The following EXD3 variants were observed in gnomAD, a reference collection of about 807,000 sequenced individuals.
The protein encoded by EXD3 is exonuclease mut-7 homolog.
EXD3 carries 92 observed loss-of-function variants against 98.0 expected under a neutral mutation model. The ratio of observed to expected loss-of-function variants is 0.94; its 90% CI spans 0.79 to 1.12. The LOEUF (loss-of-function observed/expected upper bound fraction) is 1.12. Among genes scored for constraint, EXD3 ranks in the 50% most tolerant of loss-of-function variants. The probability of loss-of-function intolerance (pLI) is 0.00; values close to 1 mark genes in which losing one functional copy is unlikely to be tolerated. For synonymous variants in EXD3, 569 were observed against 526.0 expected, an observed-to-expected ratio of 1.08 and a Z score of -1.12; for missense variants, 1,222 against 1,191.6, an observed-to-expected ratio of 1.03 and a Z score of -0.38.
Position 137,328,566 on chromosome 9 carries a change from A to T in EXD3, c.1999-4423T>A, listed in dbSNP as rs758255891. Among the ~76,000 whole-genome samples, 10 of 150,094 alleles carry T rather than the reference A, an allele frequency of 6.7e-5. 1 individual carries two copies. Among genetic ancestry groups the T allele is most frequent in the Admixed American group, 1.3e-4 (2 of 15,110 alleles). On this transcript the variant is annotated intron_variant, in intron 17 of 21. Transcript: ENST00000340951. ...GAAACGGGTCAAAGGGAAGAAACAG[A>T]CTAGTTACACAGGAGCTACACGGGA...
At position 137,355,428 on chromosome 9, in the gene EXD3, AGGAGGATGGAGGAAG is replaced by A. The variant is rs796944784; in HGVS notation, c.758-670_758-656del. On this transcript the variant is annotated intron_variant, in intron 8 of 21. Transcript: ENST00000340951. ...GCCCTGAGGCAGGGAGGAAGGAGGA[AGGAGGATGGAGGAAG>A]GGAGGATGGAGGAAGGAGAAAGGAG... 7.9e-4 allele frequency among the ~76,000 whole-genome samples: 95 copies of A among 119,648 alleles called. 1 individual carries two copies. The highest frequency in any genetic ancestry group is 3.3e-3 in the African/African-American group (83 of 25,534). 78.5% of individuals were successfully genotyped at this position (119,648 alleles called of 152,430 possible).
At chr9:137,422,610 C>T (rs896249193) in intron 1 of EXD3, among the ~76,000 whole-genome samples, 10 of 152,218 alleles carry the variant, frequency 6.6e-5, no homozygotes. Context: ...TGAATAAACC[C>T]ACCGGGCACC....
rs1177400128 is a variant in EXD3, at chr9:137,408,462, G to A, written c.-47-13058C>T. The stretch of plus-strand genomic sequence containing the variant: ...CTCCGGAGGCTGAGGCAGGTGAATG[G>A]CGTGAACCCGGGAGGTGGAGCTTGC... On this transcript the variant is annotated intron_variant, in intron 1 of 21. Transcript: ENST00000340951. Among the ~76,000 whole-genome samples, 6 of 149,818 alleles carry A rather than the reference G, an allele frequency of 4.0e-5. No individual in the cohort carries two copies. The East Asian group carries it at 1.2e-3, about 30-fold the overall frequency.
At chr9:137,374,489 A>G (rs1835798379) in intron 3 of EXD3, 1 of 906,452 alleles carries the variant, frequency 1.1e-6, no homozygotes, top group African/African-American at 1.8e-5. Flanking sequence ...CAACATCCTG[A>G]GGCTGCCGCG....
At chr9:137,328,618 GGGACTACAC>G (rs1832654801) in intron 17 of EXD3, among the ~76,000 whole-genome samples, 1 of 80,544 alleles carries the variant, frequency 1.2e-5, no homozygotes, top group South Asian at 4.6e-4. Context: ...GGGGCTACAC[GGGACTACAC>G]GGGACTACAC....
intron 19 of EXD3, among the ~76,000 whole-genome samples, chr9:137,312,667 G>A (rs545631176): frequency 6.6e-6 from 1 of 152,072 alleles, no homozygotes; most frequent in East Asian, 1.9e-4. Context: ...CTGGGGAGGC[G>A]CACTCAGGAC....
intron 17 of EXD3, among the ~76,000 whole-genome samples, chr9:137,337,284 A>G (rs1833403204): frequency 6.6e-6 from 1 of 152,202 alleles, no homozygotes; most frequent in Non-Finnish European, 1.5e-5. Context: ...TGCATGGAAA[A>G]TCTGATGAAT....
intron 20 of EXD3, among the ~76,000 whole-genome samples, 154 bp from the exon 21 acceptor site, chr9:137,307,800 G>A (rs1831127023): frequency 6.6e-6 from 1 of 152,236 alleles, no homozygotes; most frequent in South Asian, 2.1e-4. Flanking sequence ...CGGGCAGAGG[G>A]CAGGGGGCCA....
chr9:137,310,395 A>C (rs571476533), intron 19 of EXD3, among the ~76,000 whole-genome samples: 13 of 152,156 alleles, frequency 8.5e-5, no homozygotes, highest in African/African-American at 2.7e-4. Context: ...CACTCAGCTA[A>C]TTTTTGTATT....
At position 137,393,565 on chromosome 9, in the gene EXD3, C is replaced by T. The variant is rs1172050121; in HGVS notation, c.55+1738G>A. ...GACCTGGCTACATCAGGGAAGGCGA[C>T]ATGCCCGGAGGTGCCCCCACAGCCC... On this transcript the variant is annotated intron_variant, in intron 2 of 21. Transcript: ENST00000340951. This position sits in a 1 kb window ranked among gnomAD's most constrained non-coding sequence, Gnocchi z 4.6. Among the ~76,000 whole-genome samples, 3 of 152,234 alleles carry T rather than the reference C, an allele frequency of 2.0e-5. No individual in the cohort carries two copies. Among genetic ancestry groups the T allele is most frequent in the Admixed American group, 1.3e-4 (2 of 15,290 alleles).
intron 11 of EXD3, 31 bp downstream of exon 11, chr9:137,352,589 C>T (rs1264535533): frequency 2.0e-6 from 3 of 1,511,712 alleles, no homozygotes; most frequent in Non-Finnish European, 1.8e-6. Flanking sequence ...CGGAACCCAC[C>T]CCTGGCTGGG....
At position 137,307,239 on chromosome 9, in the gene EXD3, T is replaced by C. The variant is rs868715951; in HGVS notation, c.2342A>G (p.Glu781Gly). Residue 781 changes from glutamate (E) to glycine (G), a missense_variant, in exon 22 of 22, where the codon GAG (glutamate) becomes GGG (glycine). Coordinates refer to ENST00000340951, the MANE Select transcript of EXD3 (RefSeq NM_017820.5). ...GCAGGGGCGGTCATAGGTGCAGCCCTCAGGGGCTGCGTCTGGGGCTGGGCC... is the reference window on the plus strand; with the variant it reads ...GCAGGGGCGGTCATAGGTGCAGCCCCCAGGGGCTGCGTCTGGGGCTGGGCC... Reference protein sequence around the residue: ...EPGPAPDAAPEGCTYDRPCRW... With the variant: ...EPGPAPDAAPGGCTYDRPCRW... 2 of 1,553,870 alleles carry C rather than the reference T, an allele frequency of 1.3e-6. No homozygotes were observed. Among genetic ancestry groups the C allele is most frequent in the African/African-American group, 1.4e-5 (1 of 73,502 alleles).
At chr9:137,362,842 C>A (rs932326316) in intron 7 of EXD3, among the ~76,000 whole-genome samples, 2 of 152,134 alleles carry the variant, frequency 1.3e-5, no homozygotes, top group Non-Finnish European at 2.9e-5. Context: ...TGGAGTTTCA[C>A]TCTTGTAGCC....
At chr9:137,350,989 G>T in intron 14 of EXD3, 49 bp downstream of exon 14, 1 of 1,509,492 alleles carries the variant, frequency 6.6e-7, no homozygotes, top group Non-Finnish European at 9.0e-7. Context: ...AGCAGCCCTC[G>T]AACCCCAGGC....
intron 4 of EXD3, 79 bp from the exon 5 acceptor site, chr9:137,373,151 T>C: frequency 6.8e-7 from 1 of 1,469,188 alleles, no homozygotes; most frequent in Non-Finnish European, 9.1e-7. Context: ...CAGGCCTGGC[T>C]TAGGAAGCAG....
Position 137,349,505 on chromosome 9 carries a change from T to C in EXD3, c.1521A>G (p.Pro507=). The C allele has an allele frequency of 1.2e-6, 2 of 1,600,026 alleles. No homozygotes were observed. Among genetic ancestry groups the C allele is most frequent in the Non-Finnish European group, 1.7e-6 (2 of 1,175,870 alleles). The change falls in exon 15 of 22, where the codon CCA becomes CCG. Residue 507 remains proline (P), a synonymous_variant. Coordinates refer to ENST00000340951, the MANE Select transcript of EXD3 (RefSeq NM_017820.5). The surrounding 1 kb of genome is among the most constrained non-coding windows in gnomAD (Gnocchi z 7.4). Reference sequence around the variant, plus strand: ...TCAGCTCCCTGGCCCTGTCCACGGCTGGGGCTGGCACGCTCGCCACCCGCA... The same window carrying C: ...TCAGCTCCCTGGCCCTGTCCACGGCCGGGGCTGGCACGCTCGCCACCCGCA... ...RQMRVASVPA[P]AVDRARELRG... is the part of the protein sequence containing the mutation.
At position 137,347,364 on chromosome 9, in the gene EXD3, C is replaced by T. The variant is rs1833991266; in HGVS notation, c.1998+707G>A. Reference sequence around the variant, plus strand: ...GGACTGAGGTTTCCTTGTGCGGCGTCCTCCATCTTCAAGCCAACAATGGGA... The same window carrying T: ...GGACTGAGGTTTCCTTGTGCGGCGTTCTCCATCTTCAAGCCAACAATGGGA... On this transcript the variant is annotated intron_variant, in intron 17 of 21. Transcript: ENST00000340951. This position sits in a 1 kb window ranked among gnomAD's most constrained non-coding sequence, Gnocchi z 4.2. 6.6e-6 allele frequency among the ~76,000 whole-genome samples: 1 copy of T among 152,108 alleles called. No homozygotes were observed.
Position 137,324,158 on chromosome 9 carries a change from C to T in EXD3, c.1999-15G>A, listed in dbSNP as rs755293394. 27 of 1,567,882 alleles carry T rather than the reference C, an allele frequency of 1.7e-5. No homozygotes were observed. The African/African-American group carries it at 2.6e-4, about 15-fold the overall frequency. ...TGCCTGGCAACCTGTGTGGGAGGTG[C>T]GACCAGCACATAAAGGGGGCAGCTC... On this transcript the variant is annotated splice_polypyrimidine_tract_variant and intron_variant, in intron 17 of 21. Coordinates refer to ENST00000340951, the MANE Select transcript of EXD3 (RefSeq NM_017820.5). The surrounding 1 kb of genome is among the most constrained non-coding windows in gnomAD (Gnocchi z 4.1).
At position 137,349,048 on chromosome 9, in the gene EXD3, T is replaced by TATGGAC; in HGVS notation, c.1830+56_1830+61dup. ...CTTGTCTCCATGCAGGTCCTTGGTT[T>TATGGAC]ATGGACAGGGATCTCCTTCCCCAAG... On this transcript the variant is annotated intron_variant, in intron 16 of 21. Coordinates refer to ENST00000340951, the MANE Select transcript of EXD3 (RefSeq NM_017820.5). The surrounding 1 kb of genome is among the most constrained non-coding windows in gnomAD (Gnocchi z 7.4). 1 of 1,511,600 alleles carries TATGGAC rather than the reference T, an allele frequency of 6.6e-7. No individual in the cohort carries two copies. Among genetic ancestry groups the TATGGAC allele is most frequent in the Non-Finnish European group, 8.8e-7 (1 of 1,133,884 alleles). The allele number at this position is 1,511,600 out of a possible 1,614,324, so 93.6% of individuals were successfully genotyped here.
Sources: allele counts gnomAD v4.1 joint callset (sites outside exome capture counted in the v4.1 genomes callset), GRCh38; gene constraint gnomAD v4.1.1; non-coding constraint Gnocchi (gnomAD v3.1); transcripts MANE v1.5; gene names NCBI Gene and HGNC (gene_info 2026-07-23, HGNC 2026-07-21).